Variants in CPD observed in about 807,000 individuals in gnomAD.
The protein encoded by CPD is carboxypeptidase D.
Under a neutral mutation model 138.3 loss-of-function variants are expected in CPD, and 69 were observed. That is an observed-to-expected ratio of 0.50 (90% CI 0.41 to 0.61). The LOEUF is 0.61. Ranked by LOEUF, CPD falls within the 20% of genes least tolerant of loss-of-function variation. The pLI, the probability that CPD is intolerant of heterozygous loss-of-function variation, is 0.00. For synonymous variants in CPD, 651 were observed against 642.1 expected (o/e 1.01, Z -0.21); for missense variants, 1,432 against 1,733.3 (o/e 0.83, Z 3.09).
At chr17:30,380,710 A>G in intron 1 of CPD, 2 of 1,092,868 alleles carry the variant, frequency 1.8e-6, no homozygotes, top group Non-Finnish European at 2.6e-6. Flanking sequence ...GTGGGCTGCA[A>G]TAACACGGAC....
rs1268864693 is a variant in CPD at position 30,442,396 on chromosome 17, G to A, written c.2319G>A (p.Glu773=). The A allele has an allele frequency of 1.2e-6, 2 of 1,613,396 alleles. No individual in the cohort carries two copies. Among genetic ancestry groups the A allele is most frequent in the Admixed American group, 3.3e-5 (2 of 59,902 alleles). The change falls in exon 10 of 21, where the codon GAG becomes GAA. Residue 773 remains glutamate (E), a synonymous_variant. Coordinates refer to ENST00000225719, the MANE Select transcript of CPD (RefSeq NM_001304.5). ...LGCVKYPLEK[E]LPNFWEQNRR... is the part of the protein sequence containing the mutation. ...GTGTGAAATATCCACTTGAGAAAGA[G>A]CTGCCAAACTTTTGGGAACAGAATC...
At chr17:30,449,483 AAAGTCCAT>A in intron 12 of CPD, 62 bp from the exon 13 acceptor site, 1 of 1,335,116 alleles carries the variant, frequency 7.5e-7, no homozygotes, top group African/African-American at 1.5e-5. Flanking sequence ...TTCTATTTTT[AAAGTCCAT>A]AAGTCAACAT....
rs1426762536 is a variant in CPD at position 30,467,510 on chromosome 17, C to T, written c.*2696C>T. ...CCAGTTGAGGAATGCTTGCAATGCT[C>T]ATTGAAGGGATTTGCTTTGGGACTT... is the stretch of plus-strand genomic sequence containing the variant. On this transcript the variant is annotated 3_prime_UTR_variant, in exon 21 of 21. Transcript: ENST00000225719. 2 of 152,092 alleles carry T rather than the reference C, an allele frequency of 1.3e-5. No individual in the cohort carries two copies. The highest frequency in any genetic ancestry group is 2.1e-4 in the South Asian group (1 of 4,828). 9.4% of individuals were successfully genotyped at this position (152,092 alleles called of 1,614,324 possible).
chr17:30,385,430 C>T (rs1911157999), intron 2 of CPD, 194 bp downstream of exon 2: 1 of 566,606 alleles, frequency 1.8e-6, no homozygotes, highest in Non-Finnish European at 2.9e-6. Flanking sequence ...TTAAATTCAC[C>T]ACTGTTATCT....
chr17:30,394,337 A>G (rs1911441987), intron 2 of CPD, among the ~76,000 whole-genome samples: 1 of 152,002 alleles, frequency 6.6e-6, no homozygotes, highest in Non-Finnish European at 1.5e-5. Context: ...GTGAACCTTC[A>G]CATGTTAGGC....
chr17:30,379,214 C>T lies in CPD; in HGVS notation c.234C>T (p.Gly78=), dbSNP rs574500312. The change falls in exon 1 of 21, where the codon GGC becomes GGT. Residue 78 remains glycine, a synonymous_variant. Transcript: ENST00000225719. The surrounding 1 kb of genome is among the most constrained non-coding windows in gnomAD (Gnocchi z 7.0). ...LREAAAAGLP[G]LARLFSIGRS... ...AGGCGGCGGCCGCGGGCCTCCCCGG[C>T]CTGGCCCGCCTCTTTAGCATCGGCC... 4.5e-4 allele frequency: 691 copies of T among 1,528,130 alleles called. 7 individuals are homozygous for T. In the Middle Eastern group the frequency reaches 6.3e-3, roughly 14 times the overall value. 94.7% of individuals were successfully genotyped at this position (1,528,130 alleles called of 1,614,324 possible).
intron 11 of CPD, among the ~76,000 whole-genome samples, chr17:30,445,257 A>G (rs1597732534): frequency 6.6e-6 from 1 of 152,032 alleles, no homozygotes; most frequent in Admixed American, 6.6e-5. Context: ...TTGAGGTCAG[A>G]AGTTTGAGAC....
rs1339061233 is a variant in CPD at position 30,459,026 on chromosome 17, T to TC, written c.3499-2150dup. The stretch of plus-strand genomic sequence containing the variant: ...CACTATTTGTTGAAAGACTATTCTT[T>TC]CCCCACTGAATGGTTTTGGTATCCT... On this transcript the variant is annotated intron_variant, in intron 17 of 20. Coordinates refer to ENST00000225719, the MANE Select transcript of CPD (RefSeq NM_001304.5). Among the ~76,000 whole-genome samples, 5 of 151,816 alleles carry TC rather than the reference T, an allele frequency of 3.3e-5. No individual in the cohort carries two copies. The East Asian group carries it at 5.8e-4, about 18-fold the overall frequency.
Position 30,451,714 on chromosome 17 carries a change from G to A in CPD, c.3073G>A (p.Val1025Ile). ...YKKNPAVTQL[V>I]DRTRIVIVPS... Reference sequence around the variant, plus strand: ...TTAATTTCTGTTTGTGCTTCAGTTGGTTGACAGGACTAGGATTGTGATTGT... The same window carrying A: ...TTAATTTCTGTTTGTGCTTCAGTTGATTGACAGGACTAGGATTGTGATTGT... The change falls in exon 14 of 21, where the codon GTT becomes ATT. Residue 1025 changes from valine (V) to isoleucine (I), a missense_variant. Physicochemically the swap from Val to Ile is conservative, Grantham distance 29. Coordinates refer to ENST00000225719, the MANE Select transcript of CPD (RefSeq NM_001304.5). 2 of 1,612,494 alleles carry A rather than the reference G, an allele frequency of 1.2e-6. No homozygotes were observed. The highest frequency in any genetic ancestry group is 2.2e-5 in the East Asian group (1 of 44,806).
intron 6 of CPD, among the ~76,000 whole-genome samples, chr17:30,424,323 T>C (rs1912344429): frequency 6.6e-6 from 1 of 152,166 alleles, no homozygotes; most frequent in South Asian, 2.1e-4. Context: ...TGTAAATGTT[T>C]CTTATCAGAC....
At chr17:30,405,088 G>A (rs1018518498) in intron 2 of CPD, among the ~76,000 whole-genome samples, 2 of 152,066 alleles carry the variant, frequency 1.3e-5, no homozygotes, top group Non-Finnish European at 2.9e-5. Flanking sequence ...TTTTGCCAAG[G>A]TTAAGGACAT....
In CPD at chr17:30,464,948, A is replaced by G. The variant is rs566401799; in HGVS notation, c.*134A>G. 1.4e-6 allele frequency: 1 copy of G among 707,504 alleles called. No homozygotes were observed. Among genetic ancestry groups the G allele is most frequent in the Admixed American group, 2.7e-5 (1 of 36,550 alleles). 43.8% of individuals were successfully genotyped at this position (707,504 alleles called of 1,614,324 possible). A position where few individuals can be genotyped will look rare whatever the true frequency, so the allele number is the denominator to read the frequency against. On this transcript the variant is annotated 3_prime_UTR_variant, in exon 21 of 21. Coordinates refer to ENST00000225719, the MANE Select transcript of CPD (RefSeq NM_001304.5). ...TGGGAAATTAAATTGCTAAATTTGT[A>G]TTCTCTGTGAATTTCACTGGCAGTT... is the stretch of plus-strand genomic sequence containing the variant.
intron 2 of CPD, among the ~76,000 whole-genome samples, chr17:30,418,147 G>C (rs770952991): frequency 6.6e-6 from 1 of 151,808 alleles, no homozygotes; most frequent in Non-Finnish European, 1.5e-5. Context: ...GAAATTAGTG[G>C]CATAGACCCA....
At chr17:30,450,007 C>T (rs969086969) in intron 13 of CPD, among the ~76,000 whole-genome samples, 7 of 151,318 alleles carry the variant, frequency 4.6e-5, no homozygotes, top group Non-Finnish European at 8.8e-5. Flanking sequence ...TTTCCTACTC[C>T]GTCATTTAAT....
chr17:30,383,189 G>GTT (rs1210221433), intron 1 of CPD, among the ~76,000 whole-genome samples: 4 of 152,170 alleles, frequency 2.6e-5, no homozygotes, highest in Non-Finnish European at 5.9e-5. Flanking sequence ...TAGAATGATA[G>GTT]TTTGTAAGGC....
Position 30,385,064 on chromosome 17 carries a change from G to A in CPD, c.822G>A (p.Lys274=). The A allele has an allele frequency of 6.2e-7, 1 of 1,614,004 alleles. No individual in the cohort carries two copies. Among genetic ancestry groups the A allele is most frequent in the Non-Finnish European group, 8.5e-7 (1 of 1,179,942 alleles). ...CTTTTGATGATTCTCCAGAACATAA[G>A]GCCACTGGAATCTATAGCAAAACCT... The part of the protein sequence containing the change: ...SYPFDDSPEH[K]ATGIYSKTSD... The change falls in exon 2 of 21, where the codon AAG becomes AAA. Residue 274 remains lysine (K), a synonymous_variant. Coordinates refer to ENST00000225719, the MANE Select transcript of CPD (RefSeq NM_001304.5).
chr17:30,379,028 C>A lies in CPD; in HGVS notation c.48C>A (p.Leu16=). ...DERPPWRLGR[L]LLLMCLLLLG... ...GGCCGCCTTGGCGGCTAGGGCGGCT[C>A]CTGTTGCTCATGTGCCTGCTGCTGC... The change falls in exon 1 of 21, where the codon CTC becomes CTA. Residue 16 remains leucine, a synonymous_variant. Transcript: ENST00000225719. This position sits in a 1 kb window ranked among gnomAD's most constrained non-coding sequence, Gnocchi z 7.0. 1 of 1,558,870 alleles carries A rather than the reference C, an allele frequency of 6.4e-7. No individual in the cohort carries two copies. The highest frequency in any genetic ancestry group is 8.6e-7 in the Non-Finnish European group (1 of 1,160,732).
intron 2 of CPD, among the ~76,000 whole-genome samples, chr17:30,398,228 TAGAATAGAAC>T (rs941697680): frequency 7.4e-4 from 80 of 107,870 alleles, no homozygotes; most frequent in African/African-American, 2.5e-3. Context: ...AATAATAGAA[TAGAATAGAAC>T]AGAATAGAAT....
At chr17:30,423,363 C>T in intron 5 of CPD, 143 bp from the exon 6 acceptor site, 1 of 559,366 alleles carries the variant, frequency 1.8e-6, no homozygotes, top group South Asian at 3.0e-5. Context: ...TAAGATGTTT[C>T]TGAAGGTTTT....
Sources: allele counts gnomAD v4.1 joint callset (sites outside exome capture counted in the v4.1 genomes callset), GRCh38; gene constraint gnomAD v4.1.1; non-coding constraint Gnocchi (gnomAD v3.1); transcripts MANE v1.5; gene names NCBI Gene and HGNC (gene_info 2026-07-23, HGNC 2026-07-21).